Variants in NR2E1 observed in about 807,000 individuals in gnomAD.
NR2E1 encodes nuclear receptor TLX.
In NR2E1, 5 loss-of-function variants were observed where a neutral mutation model predicts 43.6. The observed-to-expected ratio is 0.11, with a 90% confidence interval of 0.06 to 0.24. The LOEUF is 0.24. Ranked by LOEUF, NR2E1 falls within the 10% of genes least tolerant of loss-of-function variation. NR2E1 has a pLI of 1.00. For missense variants in NR2E1, 287 were observed against 496.7 expected (o/e 0.58, Z 4.01); for synonymous variants, 191 against 195.5 (o/e 0.98, Z 0.19).
Position 108,180,987 on chromosome 6 carries a change from C to T in NR2E1, c.889+31C>T, listed in dbSNP as rs1773975021. The T allele has an allele frequency of 1.2e-6, 2 of 1,613,420 alleles. No homozygotes were observed. The highest frequency in any genetic ancestry group is 1.1e-5 in the South Asian group (1 of 91,058). On this transcript the variant is annotated intron_variant, in intron 7 of 8. Transcript: ENST00000368986. This position sits in a 1 kb window ranked among gnomAD's most constrained non-coding sequence, Gnocchi z 5.4. ...CAGACACAGACCCCTGTTTCTTCTC[C>T]TTCCCCAGTTTTGCCACCTCACTAA...
chr6:108,166,834 G>A lies in NR2E1; in HGVS notation c.25+44G>A. 1 of 1,572,580 alleles carries A rather than the reference G, an allele frequency of 6.4e-7. No individual in the cohort carries two copies. The highest frequency in any genetic ancestry group is 8.6e-7 in the Non-Finnish European group (1 of 1,161,660). ...GCCGTGGGGCCTAGGCGCGCAGCCTGGGGCGAGCGAGCGGGGAGGCTGGGG... is the reference window on the plus strand; with the variant it reads ...GCCGTGGGGCCTAGGCGCGCAGCCTAGGGCGAGCGAGCGGGGAGGCTGGGG... On this transcript the variant is annotated intron_variant, in intron 1 of 8. Transcript: ENST00000368986. The surrounding 1 kb of genome is among the most constrained non-coding windows in gnomAD (Gnocchi z 7.2).
rs796243219 is a variant in NR2E1, at chr6:108,166,893, C to T, written c.25+103C>T. The T allele has an allele frequency of 1.6e-6, 2 of 1,219,066 alleles. No individual in the cohort carries two copies. Among genetic ancestry groups the T allele is most frequent in the Non-Finnish European group, 2.3e-6 (2 of 856,230 alleles). The allele number at this position is 1,219,066 out of a possible 1,614,324, so 75.5% of individuals were successfully genotyped here. On this transcript the variant is annotated intron_variant, in intron 1 of 8. Coordinates refer to ENST00000368986, the MANE Select transcript of NR2E1 (RefSeq NM_003269.5). This position sits in a 1 kb window ranked among gnomAD's most constrained non-coding sequence, Gnocchi z 7.2. Reference sequence around the variant, plus strand: ...GCCTGGAGCGCTGCGAATCTGAGCCCCTGAGAGGGATTCCAGCGGGCGTGT... The same window carrying T: ...GCCTGGAGCGCTGCGAATCTGAGCCTCTGAGAGGGATTCCAGCGGGCGTGT...
rs756298274 is a variant in NR2E1 at position 108,171,504 on chromosome 6, G to C, written c.72G>C (p.Ser24=). 3.7e-6 allele frequency: 6 copies of C among 1,614,014 alleles called. No individual in the cohort carries two copies. The highest frequency in any genetic ancestry group is 5.1e-6 in the Non-Finnish European group (6 of 1,180,034). Residue 24 remains serine (S), a synonymous_variant, in exon 2 of 9, where the codon TCG becomes TCC. Transcript: ENST00000368986. ...GCAAAGTGTGTGGCGACCGCAGCTC[G>C]GGGAAGCACTACGGGGTCTACGCCT... is the stretch of plus-strand genomic sequence containing the variant. The part of the protein sequence containing the change: ...IPCKVCGDRS[S]GKHYGVYACD...
At chr6:108,178,787 G>A (rs947022372) in intron 5 of NR2E1, 4 of 169,430 alleles carry the variant, frequency 2.4e-5, no homozygotes, top group African/African-American at 4.8e-5. Flanking sequence ...GTTCTTCCTT[G>A]ATTCTTCATG....
Position 108,180,717 on chromosome 6 carries a change from G to A in NR2E1, c.740-90G>A. 8.4e-7 allele frequency: 1 copy of A among 1,188,084 alleles called. No homozygotes were observed. The highest frequency in any genetic ancestry group is 1.2e-6 in the Non-Finnish European group (1 of 801,156). 73.6% of individuals were successfully genotyped at this position (1,188,084 alleles called of 1,614,324 possible). A position where few individuals can be genotyped will look rare whatever the true frequency, so the allele number is the denominator to read the frequency against. On this transcript the variant is annotated intron_variant, in intron 6 of 8. Transcript: ENST00000368986. The surrounding 1 kb of genome is among the most constrained non-coding windows in gnomAD (Gnocchi z 5.4). ...GATATCTTAGAGTGACAATTGAATA[G>A]ATATTGATATGCAGGATTTTGTCAA...
chr6:108,181,007 C>T, intron 7 of NR2E1, 51 bp downstream of exon 7: 1 of 1,599,986 alleles, frequency 6.3e-7, no homozygotes, highest in South Asian at 1.1e-5. Flanking sequence ...TTTGCCACCT[C>T]ACTAATTCAG....
Position 108,169,909 on chromosome 6 carries a change from G to C in NR2E1, c.26-1549G>C, listed in dbSNP as rs1216818502. ...GCTCTATAGGCAGGTGCTGCCGCGG[G>C]GTTGTAATTACCCGGCCGAGCCTGG... On this transcript the variant is annotated intron_variant, in intron 1 of 8. Coordinates refer to ENST00000368986, the MANE Select transcript of NR2E1 (RefSeq NM_003269.5). This position sits in a 1 kb window ranked among gnomAD's most constrained non-coding sequence, Gnocchi z 6.1. Among the ~76,000 whole-genome samples the C allele has an allele frequency of 6.6e-6, 1 of 152,226 alleles. No homozygotes were observed. The highest frequency in any genetic ancestry group is 2.1e-4 in the South Asian group (1 of 4,826).
chr6:108,167,924 A>G, intron 1 of NR2E1: 2 of 1,287,050 alleles, frequency 1.6e-6, no homozygotes, highest in Non-Finnish European at 2.1e-6. Flanking sequence ...CCGCCCTCCT[A>G]CCCCCCTCCA....
At chr6:108,182,258 A>AAG (rs1273028044) in intron 8 of NR2E1, among the ~76,000 whole-genome samples, 1 of 152,012 alleles carries the variant, frequency 6.6e-6, no homozygotes, top group Non-Finnish European at 1.5e-5. Flanking sequence ...AAAAAAAAAA[A>AAG]AAAAGAAGCT....
intron 8 of NR2E1, among the ~76,000 whole-genome samples, chr6:108,186,319 G>C (rs1414118635): frequency 1.0e-5 from 1 of 96,754 alleles, no homozygotes; most frequent in Non-Finnish European, 1.9e-5. Flanking sequence ...GGACTCTTAT[G>C]TGCCCAGAGC....
Position 108,166,872 on chromosome 6 carries a change from G to A in NR2E1, c.25+82G>A, listed in dbSNP as rs376905060. 1 of 1,394,524 alleles carries A rather than the reference G, an allele frequency of 7.2e-7. No individual in the cohort carries two copies. The highest frequency in any genetic ancestry group is 9.9e-7 in the Non-Finnish European group (1 of 1,011,886). 86.4% of individuals were successfully genotyped at this position (1,394,524 alleles called of 1,614,324 possible). ...GGGGAGGCTGGGGGAGGTCCTGCCT[G>A]GAGCGCTGCGAATCTGAGCCCCTGA... On this transcript the variant is annotated intron_variant, in intron 1 of 8. Transcript: ENST00000368986. The surrounding 1 kb of genome is among the most constrained non-coding windows in gnomAD (Gnocchi z 7.2).
chr6:108,171,996 C>G (rs898983566), intron 2 of NR2E1, among the ~76,000 whole-genome samples: 6 of 152,204 alleles, frequency 3.9e-5, no homozygotes, highest in Non-Finnish European at 4.4e-5. Flanking sequence ...TGCCTGCCCA[C>G]CCCACACTCA....
intron 2 of NR2E1, 45 bp downstream of exon 2, chr6:108,171,648 C>T (rs1562402591): frequency 6.2e-7 from 1 of 1,612,224 alleles, no homozygotes; most frequent in Non-Finnish European, 8.5e-7. Context: ...TCTGCTGCCT[C>T]CTCACTCTTT....
Position 108,166,798 on chromosome 6 carries a change from C to A in NR2E1, c.25+8C>A, listed in dbSNP as rs763633283. The A allele has an allele frequency of 6.9e-6, 11 of 1,591,280 alleles. No individual in the cohort carries two copies. The South Asian group carries it at 1.0e-4, about 15-fold the overall frequency. Reference sequence around the variant, plus strand: ...AGCCAGCCGGATCAACAAGTGGGTACCTCTCGGGCCGCCGTGGGGCCTAGG... The same window carrying A: ...AGCCAGCCGGATCAACAAGTGGGTAACTCTCGGGCCGCCGTGGGGCCTAGG... On this transcript the variant is annotated splice_region_variant and intron_variant, in intron 1 of 8. Transcript: ENST00000368986. This position sits in a 1 kb window ranked among gnomAD's most constrained non-coding sequence, Gnocchi z 7.2.
chr6:108,181,438 C>A (rs2233495), intron 7 of NR2E1, 108 bp from the exon 8 acceptor site: 48,351 of 900,888 alleles, frequency 0.054, 1,907 homozygotes, highest in South Asian at 0.15. Flanking sequence ...AAGTGATCCG[C>A]CTGCCTCGGC....
chr6:108,182,652 G>A (rs937291558), intron 8 of NR2E1, among the ~76,000 whole-genome samples: 5 of 149,982 alleles, frequency 3.3e-5, no homozygotes, highest in East Asian at 3.9e-4. Flanking sequence ...TTCGCCTTCC[G>A]GGTTCAAGTG....
chr6:108,171,286 A>T (rs1193905916), intron 1 of NR2E1, among the ~76,000 whole-genome samples, 172 bp from the exon 2 acceptor site: 1 of 152,208 alleles, frequency 6.6e-6, no homozygotes, highest in Non-Finnish European at 1.5e-5. Context: ...AAGGAAAAAA[A>T]GTTTGGGTAT....
chr6:108,167,999 A>G lies in NR2E1; in HGVS notation c.25+1209A>G, dbSNP rs749484040. On this transcript the variant is annotated intron_variant, in intron 1 of 8. Transcript: ENST00000368986. ...CTGACCTTTAAAAAATTAGAGCAAA[A>G]TGAACGTGAACAAAAAGAAAAGGAG... The G allele has an allele frequency of 3.2e-6, 5 of 1,570,634 alleles. No individual in the cohort carries two copies. In the Admixed American group the frequency reaches 9.5e-5, roughly 30 times the overall value.
intron 1 of NR2E1, among the ~76,000 whole-genome samples, chr6:108,170,531 G>A (rs548081407): frequency 1.1e-4 from 16 of 150,052 alleles, no homozygotes; most frequent in Admixed American, 8.6e-4. Flanking sequence ...GGATTCCAGG[G>A]AAAGTTCTCT....
Sources: allele counts gnomAD v4.1 joint callset (sites outside exome capture counted in the v4.1 genomes callset), GRCh38; gene constraint gnomAD v4.1.1; non-coding constraint Gnocchi (gnomAD v3.1); transcripts MANE v1.5; gene names NCBI Gene and HGNC (gene_info 2026-07-23, HGNC 2026-07-21).